NCKAP5: variants seen among roughly 807,000 people sequenced by gnomAD.
NCKAP5 encodes NCK associated protein 5.
NCKAP5 carries 92 observed loss-of-function variants against 167.0 expected under a neutral mutation model. The ratio of observed to expected loss-of-function variants is 0.55; its 90% CI spans 0.47 to 0.66. NCKAP5 has a LOEUF of 0.66. Among genes scored for constraint, NCKAP5 ranks in the 30% least tolerant of loss-of-function variants. The pLI is 0.00. For synonymous variants in NCKAP5, 891 were observed against 877.4 expected (o/e 1.02, Z -0.27); for missense variants, 2,378 against 2,315.0 (o/e 1.03, Z -0.56).
chr2:133,602,058 G>T, the NCKAP5 span, among the ~76,000 whole-genome samples: 8 of 152,046 alleles, frequency 5.3e-5, no homozygotes, highest in Admixed American at 5.2e-4. Flanking sequence ...TTGAGGGAAC[G>T]AGAGAGAGAG....
At chr2:133,229,786 G>A (rs1167697259) in intron 4 of NCKAP5, among the ~76,000 whole-genome samples, 1 of 151,998 alleles carries the variant, frequency 6.6e-6, no homozygotes, top group Non-Finnish European at 1.5e-5. Context: ...ACATATAATT[G>A]TTCAGTAATC....
chr2:132,951,279 C>T (rs533918947), intron 8 of NCKAP5, among the ~76,000 whole-genome samples: 2 of 152,222 alleles, frequency 1.3e-5, no homozygotes, highest in African/African-American at 2.4e-5. Flanking sequence ...GTAACTAAGG[C>T]GTTCCAATTC....
intron 3 of NCKAP5, among the ~76,000 whole-genome samples, chr2:133,307,429 A>G (rs1025260909): frequency 2.6e-5 from 4 of 152,212 alleles, no homozygotes; most frequent in African/African-American, 9.7e-5. Flanking sequence ...ATGTACATCA[A>G]AAGGACTCAT....
At chr2:132,969,261 C>CCTGG (rs2076759715) in intron 7 of NCKAP5, among the ~76,000 whole-genome samples, 1 of 152,152 alleles carries the variant, frequency 6.6e-6, no homozygotes, top group Non-Finnish European at 1.5e-5. Context: ...TGGTCTGTAA[C>CCTGG]TCCTGACCTC....
At chr2:132,718,270 C>T (rs1689561716) in intron 19 of NCKAP5, among the ~76,000 whole-genome samples, 1 of 152,210 alleles carries the variant, frequency 6.6e-6, no homozygotes, top group African/African-American at 2.4e-5. Context: ...ATCTTCTATC[C>T]TCTAGCACTA....
chr2:132,924,482 T>C (rs900731671), intron 8 of NCKAP5, among the ~76,000 whole-genome samples: 2 of 152,236 alleles, frequency 1.3e-5, no homozygotes, highest in African/African-American at 4.8e-5. Context: ...GTTAATCATG[T>C]TTATTCAATG....
intron 3 of NCKAP5, among the ~76,000 whole-genome samples, chr2:133,451,014 C>T (rs1208270910): frequency 6.6e-6 from 1 of 152,072 alleles, no homozygotes; most frequent in Non-Finnish European, 1.5e-5. Context: ...TGTATGCCAA[C>T]CTGGAAGCTG....
At chr2:133,567,061 G>A (rs1688602507) in intron 1 of NCKAP5, among the ~76,000 whole-genome samples, 1 of 152,224 alleles carries the variant, frequency 6.6e-6, no homozygotes, top group African/African-American at 2.4e-5. Flanking sequence ...TGACAGAGCA[G>A]CTGAATTCAG....
chr2:132,747,644 G>A (rs1009361939), intron 16 of NCKAP5, among the ~76,000 whole-genome samples: 11 of 120,344 alleles, frequency 9.1e-5, no homozygotes, highest in African/African-American at 3.5e-4. Flanking sequence ...TCTGATTCAG[G>A]ACCTTACAGG....
chr2:132,978,706 C>T lies in NCKAP5; in HGVS notation c.430-14837G>A, dbSNP rs183750217. On this transcript the variant is annotated intron_variant, in intron 7 of 19. Coordinates refer to ENST00000409261, the MANE Select transcript of NCKAP5 (RefSeq NM_207363.3). ...TGGTGCACATCAACATGACAATAGT[C>T]GGGAAACATGGCCTGTGGTCTTGGC... Among the ~76,000 whole-genome samples the T allele has an allele frequency of 2.2e-3, 337 of 152,186 alleles. 1 individual carries two copies. Among genetic ancestry groups the T allele is most frequent in the African/African-American group, 7.2e-3 (299 of 41,514 alleles).
intron 4 of NCKAP5, among the ~76,000 whole-genome samples, chr2:133,266,895 G>C (rs2089261653): frequency 1.3e-5 from 2 of 152,146 alleles, no homozygotes; most frequent in South Asian, 4.1e-4. Flanking sequence ...CTCGGCTTGC[G>C]CTCTGATGAG....
rs566839039 is a variant in NCKAP5 at position 132,881,353 on chromosome 2, T to G, written c.580-2437A>C. 3.3e-5 allele frequency among the ~76,000 whole-genome samples: 5 copies of G among 152,026 alleles called. No homozygotes were observed. The South Asian group carries it at 1.0e-3, about 32-fold the overall frequency. On this transcript the variant is annotated intron_variant, in intron 8 of 19. Transcript: ENST00000409261. ...CCACACCTGGCTAATTTTTGTATTT[T>G]TAGTAGAGATGGGGTTTCACCACGT...
intron 6 of NCKAP5, among the ~76,000 whole-genome samples, chr2:133,039,345 A>G (rs1447676747): frequency 3.3e-5 from 5 of 152,228 alleles, no homozygotes; most frequent in Admixed American, 2.0e-4. Flanking sequence ...GATATATTGT[A>G]GAACAAATCA....
intron 3 of NCKAP5, among the ~76,000 whole-genome samples, chr2:133,413,723 T>G (rs1371805243): frequency 1.9e-4 from 29 of 152,206 alleles, no homozygotes; most frequent in Admixed American, 1.9e-3. Context: ...GCCCACCCTG[T>G]GTTCCCACAA....
chr2:133,667,546 C>A, the NCKAP5 span, among the ~76,000 whole-genome samples: 45 of 152,090 alleles, frequency 3.0e-4, no homozygotes, highest in Admixed American at 9.8e-4. Flanking sequence ...AAAGCCCTTG[C>A]TGACTTTCTA....
chr2:132,839,043 T>C (rs1339371414), intron 11 of NCKAP5, among the ~76,000 whole-genome samples: 3 of 152,226 alleles, frequency 2.0e-5, no homozygotes, highest in Admixed American at 1.3e-4. Context: ...ATTTGTTCCA[T>C]TTTCTAGCGC....
intron 6 of NCKAP5, among the ~76,000 whole-genome samples, chr2:133,107,448 C>A (rs1225799059): frequency 2.0e-5 from 3 of 152,190 alleles, no homozygotes; most frequent in Non-Finnish European, 4.4e-5. Context: ...AGGAGACTTG[C>A]AATAAAACTA....
At chr2:132,894,133 A>G (rs1692946415) in intron 8 of NCKAP5, among the ~76,000 whole-genome samples, 1 of 152,190 alleles carries the variant, frequency 6.6e-6, no homozygotes, top group African/African-American at 2.4e-5. Context: ...AGCAACAAAG[A>G]GCGATGGAAG....
intron 8 of NCKAP5, among the ~76,000 whole-genome samples, chr2:132,940,621 C>A (rs1430360655): frequency 6.6e-6 from 1 of 152,108 alleles, no homozygotes; most frequent in Non-Finnish European, 1.5e-5. Context: ...GGATATTATG[C>A]AGCCATTGAA....
Sources: allele counts gnomAD v4.1 joint callset (sites outside exome capture counted in the v4.1 genomes callset), GRCh38; gene constraint gnomAD v4.1.1; transcripts MANE v1.5; gene names NCBI Gene and HGNC (gene_info 2026-07-23, HGNC 2026-07-21).